The following CSNK1G3 variants were observed in gnomAD, a reference collection of about 807,000 sequenced individuals.
CSNK1G3 encodes casein kinase I isoform gamma-3.
A neutral mutation model predicts 64.3 loss-of-function variants in CSNK1G3; 23 were observed. The ratio of observed to expected loss-of-function variants is 0.36; its 90% CI spans 0.26 to 0.51. The LOEUF is 0.51. CSNK1G3 is among the 20% of genes least tolerant of loss of function. CSNK1G3 has a pLI of 0.96. For missense variants in CSNK1G3, 357 were observed against 510.5 expected (o/e 0.70, Z 2.90); for synonymous variants, 158 against 162.2 (o/e 0.97, Z 0.20).
intron 1 of CSNK1G3, among the ~76,000 whole-genome samples, chr5:123,518,861 G>A (rs1346213288): frequency 6.6e-6 from 1 of 152,188 alleles, no homozygotes; most frequent in Admixed American, 6.5e-5. Flanking sequence ...CTGTTTTGAA[G>A]CGATTCTCGT....
chr5:123,604,079 G>T (rs892521650), intron 10 of CSNK1G3, among the ~76,000 whole-genome samples: 1 of 152,048 alleles, frequency 6.6e-6, no homozygotes, highest in African/African-American at 2.4e-5. Context: ...GATCATAGTG[G>T]CTTGGACTGG....
intron 4 of CSNK1G3, among the ~76,000 whole-genome samples, chr5:123,562,423 C>T (rs73799336): frequency 0.015 from 2,304 of 152,094 alleles, 69 homozygotes; most frequent in African/African-American, 0.053. Context: ...GAATGATTGG[C>T]ACTTGTAGGT....
At chr5:123,591,565 A>G in intron 10 of CSNK1G3, 151 bp downstream of exon 10, 1 of 534,638 alleles carries the variant, frequency 1.9e-6, no homozygotes, top group Non-Finnish European at 3.3e-6. Context: ...TTAGTTTAAT[A>G]ATAGCATTAA....
chr5:123,552,291 G>A (rs965653351), intron 2 of CSNK1G3, among the ~76,000 whole-genome samples: 7 of 151,722 alleles, frequency 4.6e-5, no homozygotes, highest in African/African-American at 1.2e-4. Flanking sequence ...GATTACAGGC[G>A]TGCGCCACCA....
intron 4 of CSNK1G3, among the ~76,000 whole-genome samples, chr5:123,571,858 C>G (rs1429948803): frequency 1.3e-5 from 2 of 151,784 alleles, no homozygotes; most frequent in Non-Finnish European, 2.9e-5. Context: ...TGTTAAGTGT[C>G]AAACTAAATA....
chr5:123,593,496 G>A (rs1041927654), intron 10 of CSNK1G3, among the ~76,000 whole-genome samples: 1 of 151,938 alleles, frequency 6.6e-6, no homozygotes, highest in African/African-American at 2.4e-5. Context: ...TTGGGTACAT[G>A]TAATTGTTTA....
exon 5 of CSNK1G3, chr5:123,573,401 C>A (rs765046305): frequency 6.2e-7 from 1 of 1,613,786 alleles, no homozygotes; most frequent in Admixed American, 1.7e-5. Context: ...AGATGGTATA[C>A]CTCAAGTTTA....
At chr5:123,555,646 A>G (rs1784485165) in intron 3 of CSNK1G3, among the ~76,000 whole-genome samples, 1 of 152,112 alleles carries the variant, frequency 6.6e-6, no homozygotes, top group Non-Finnish European at 1.5e-5. Flanking sequence ...TACCTCAGCT[A>G]CCATCCTTAT....
chr5:123,552,979 T>C, intron 2 of CSNK1G3, 128 bp from the exon 3 acceptor site: 2 of 487,148 alleles, frequency 4.1e-6, no homozygotes, highest in Middle Eastern at 4.0e-4. Context: ...TAAGTTTTTT[T>C]GCCAAATAGA....
chr5:123,582,560 T>C (rs1019563893), intron 6 of CSNK1G3, among the ~76,000 whole-genome samples: 1 of 152,166 alleles, frequency 6.6e-6, no homozygotes, highest in African/African-American at 2.4e-5. Flanking sequence ...TTTTAATTGG[T>C]TTCAAGACCT....
intron 11 of CSNK1G3, among the ~76,000 whole-genome samples, chr5:123,605,032 A>T (rs1795109451): frequency 6.6e-6 from 1 of 152,156 alleles, no homozygotes; most frequent in Non-Finnish European, 1.5e-5. Flanking sequence ...AATACAAAAT[A>T]TTTAAGAACT....
At chr5:123,523,544 G>C (rs2150003630) in intron 1 of CSNK1G3, among the ~76,000 whole-genome samples, 1 of 152,270 alleles carries the variant, frequency 6.6e-6, no homozygotes, top group East Asian at 1.9e-4. Flanking sequence ...AATTGCAAGG[G>C]TTAGATTTCT....
intron 5 of CSNK1G3, among the ~76,000 whole-genome samples, chr5:123,573,871 A>T (rs1214745878): frequency 3.5e-4 from 50 of 143,258 alleles, no homozygotes; most frequent in Admixed American, 3.4e-3. Context: ...TTTTTTTGAG[A>T]CGGAGTCTTG....
intron 6 of CSNK1G3, among the ~76,000 whole-genome samples, chr5:123,576,178 C>T (rs751021131): frequency 3.3e-5 from 5 of 152,148 alleles, no homozygotes; most frequent in Admixed American, 6.5e-5. Context: ...GCTATCTTTA[C>T]ATTCACTGTA....
At chr5:123,543,113 T>C (rs574457121) in intron 1 of CSNK1G3, among the ~76,000 whole-genome samples, 2 of 152,226 alleles carry the variant, frequency 1.3e-5, no homozygotes, top group African/African-American at 4.8e-5. Context: ...TTTAGTTGTG[T>C]CATGGATATT....
In CSNK1G3 at chr5:123,604,931, G is replaced by C. The variant is rs990891367; in HGVS notation, c.1193+101G>C. 4 of 844,416 alleles carry C rather than the reference G, an allele frequency of 4.7e-6. No individual in the cohort carries two copies. In the African/African-American group the frequency reaches 6.9e-5, roughly 15 times the overall value. The allele number at this position is 844,416 out of a possible 1,614,324, so 52.3% of individuals were successfully genotyped here. A position where few individuals can be genotyped will look rare whatever the true frequency, so the allele number is the denominator to read the frequency against. On this transcript the variant is annotated intron_variant, in intron 11 of 12. Coordinates refer to ENST00000345990, the Ensembl canonical transcript of CSNK1G3. ...AATTATTTCAGGAAATTTTTTTCAG[G>C]GAATAGGTGCATGCAAAACAAGTGG... is the stretch of plus-strand genomic sequence containing the variant.
At chr5:123,539,797 CT>C (rs529776720) in intron 1 of CSNK1G3, among the ~76,000 whole-genome samples, 81 of 151,910 alleles carry the variant, frequency 5.3e-4, no homozygotes, top group Admixed American at 1.1e-3. Context: ...TATGGGAATA[CT>C]TTTTTTTAAT....
At chr5:123,613,433 G>GTGTA (rs1748858389) in intron 12 of CSNK1G3, among the ~76,000 whole-genome samples, 4 of 144,138 alleles carry the variant, frequency 2.8e-5, no homozygotes, top group South Asian at 2.2e-4. Flanking sequence ...GTGTGTGTGT[G>GTGTA]CGTATGTATG....
chr5:123,590,445 C>A, exon 9 of CSNK1G3: 1 of 1,504,754 alleles, frequency 6.6e-7, no homozygotes, highest in Non-Finnish European at 8.9e-7. Flanking sequence ...TGTAAGAAGG[C>A]TAGATTTTTT....
Sources: gnomAD v4.1 joint callset for allele counts (sites outside exome capture counted in the v4.1 genomes callset) on GRCh38, gnomAD v4.1.1 for gene constraint, MANE v1.5 for transcripts, NCBI Gene and HGNC (gene_info 2026-07-23, HGNC 2026-07-21) for gene names.